The following ANKRD28 variants were observed in gnomAD, a reference collection of about 807,000 sequenced individuals.
ANKRD28 encodes ankyrin repeat domain 28.
In ANKRD28, 44 loss-of-function variants were observed where a neutral mutation model predicts 126.5. The observed-to-expected ratio is 0.35, with a 90% CI of 0.27 to 0.45. ANKRD28 has a LOEUF of 0.45. Among genes scored for constraint, ANKRD28 ranks in the 20% least tolerant of loss-of-function variants. ANKRD28 has a pLI of 1.00. For missense variants in ANKRD28, 1,110 were observed against 1,316.6 expected (o/e 0.84, Z 2.43); for synonymous variants, 442 against 468.5 (o/e 0.94, Z 0.73).
rs145588979 is a variant in ANKRD28, at chr3:15,748,992, T to G, written c.351+2758A>C. ...TTGTTTGATTGTATTGCTGAGACTT[T>G]CCAGTGCATTTTGCATGTCTCTAAG... On this transcript the variant is annotated intron_variant, in intron 4 of 27. Coordinates refer to ENST00000683139, the MANE Select transcript of ANKRD28 (RefSeq NM_001349278.2). 3.3e-3 allele frequency among the ~76,000 whole-genome samples: 496 copies of G among 152,220 alleles called. 3 individuals are homozygous for G. The highest frequency in any genetic ancestry group is 0.012 in the African/African-American group (478 of 41,556).
chr3:15,737,390 C>T (rs1419224481), intron 4 of ANKRD28, among the ~76,000 whole-genome samples, 157 bp from the exon 5 acceptor site: 4 of 151,748 alleles, frequency 2.6e-5, no homozygotes, highest in African/African-American at 9.7e-5. Context: ...GGAATTTACC[C>T]AAGGAAAGAA....
intron 12 of ANKRD28, among the ~76,000 whole-genome samples, chr3:15,710,005 G>C (rs960490302): frequency 6.6e-6 from 1 of 150,752 alleles, no homozygotes; most frequent in Non-Finnish European, 1.5e-5. Context: ...AAGAGATTCT[G>C]AGGAGGCTTT....
intron 1 of ANKRD28, among the ~76,000 whole-genome samples, chr3:15,852,832 CAAAAAAAAAAA>C (rs71064237): frequency 6.2e-5 from 4 of 64,012 alleles, no homozygotes; most frequent in Non-Finnish European, 8.4e-5. Context: ...GACTCTGTCT[CAAAAAAAAAAA>C]AAAAAAAAAA....
intron 2 of ANKRD28, among the ~76,000 whole-genome samples, chr3:15,791,859 G>T (rs193163070): frequency 2.2e-4 from 33 of 152,068 alleles, no homozygotes; most frequent in Non-Finnish European, 4.3e-4. Flanking sequence ...CTCTGACAGG[G>T]GACTAATAAC....
chr3:15,730,889 G>C (rs925870017), intron 6 of ANKRD28, among the ~76,000 whole-genome samples: 1 of 152,116 alleles, frequency 6.6e-6, no homozygotes, highest in African/African-American at 2.4e-5. Context: ...AGGTGATTAG[G>C]CAATAAGGGC....
chr3:15,751,334 A>G (rs555542727), intron 4 of ANKRD28, among the ~76,000 whole-genome samples: 1 of 152,188 alleles, frequency 6.6e-6, no homozygotes, highest in African/African-American at 2.4e-5. Context: ...TGTGCAATCA[A>G]GTAATGGTTT....
intron 27 of ANKRD28, 114 bp from the exon 28 acceptor site, chr3:15,670,670 A>C (rs2066245659): frequency 2.8e-6 from 3 of 1,087,226 alleles, no homozygotes; most frequent in Non-Finnish European, 3.9e-6. Context: ...TACTTAGCTT[A>C]TAATAAATTG....
intron 21 of ANKRD28, among the ~76,000 whole-genome samples, chr3:15,681,204 T>G (rs1428204213): frequency 1.3e-5 from 2 of 152,206 alleles, no homozygotes; most frequent in Non-Finnish European, 2.9e-5. Context: ...ACTTACAACT[T>G]AATTCAATGT....
chr3:15,811,442 A>G (rs2060709186), intron 1 of ANKRD28, among the ~76,000 whole-genome samples: 1 of 152,166 alleles, frequency 6.6e-6, no homozygotes, highest in Non-Finnish European at 1.5e-5. Context: ...AAAAGACAAA[A>G]TAATTACCAG....
rs1553649981 is a variant in ANKRD28, at chr3:15,850,198, A to AT, written c.27+9178_27+9179insA. On this transcript the variant is annotated intron_variant, in intron 1 of 27. Transcript: ENST00000399451. ...TGGGTATCTACATGCAATAAAAAAA[A>AT]AAAAAAATATATATATATATATATA... Among the ~76,000 whole-genome samples, 30 of 42,120 alleles carry AT rather than the reference A, an allele frequency of 7.1e-4. No individual in the cohort carries two copies. In the East Asian group the frequency reaches 0.018, roughly 25 times the overall value. 27.6% of individuals were successfully genotyped at this position (42,120 alleles called of 152,430 possible).
intron 1 of ANKRD28, among the ~76,000 whole-genome samples, chr3:15,807,065 T>C (rs1170898340): frequency 6.6e-6 from 1 of 152,240 alleles, no homozygotes; most frequent in Admixed American, 6.5e-5. Flanking sequence ...CTTTCAGCTT[T>C]TCCCTCTGTC....
chr3:15,813,844 G>C (rs2125892588), intron 1 of ANKRD28, among the ~76,000 whole-genome samples: 1 of 152,302 alleles, frequency 6.6e-6, no homozygotes, highest in East Asian at 1.9e-4. Context: ...ACATGTAAGA[G>C]AATGAGCTAT....
At position 15,677,036 on chromosome 3, in the gene ANKRD28, C is replaced by A. The variant is rs775161986; in HGVS notation, c.2811G>T (p.Leu937Phe). The A allele has an allele frequency of 6.2e-7, 1 of 1,613,078 alleles. No individual in the cohort carries two copies. Among genetic ancestry groups the A allele is most frequent in the Non-Finnish European group, 8.5e-7 (1 of 1,179,502 alleles). ...ACSKGHETSA[L>F]LILEKITDRN... is the part of the protein sequence containing the mutation. ...TATCTGTTATCTTTTCCAGTATTAA[C>A]AAGGCACTAGTTTCATGACCCTATA... Residue 937 changes from leucine to phenylalanine, a missense_variant, in exon 26 of 28, where the codon TTG becomes TTT. Leu to Phe is a conservative substitution (Grantham distance 22, BLOSUM62 0). Coordinates refer to ENST00000683139, the MANE Select transcript of ANKRD28 (RefSeq NM_001349278.2).
At chr3:15,837,099 CA>C (rs397963167) in intron 1 of ANKRD28, among the ~76,000 whole-genome samples, 53 of 108,546 alleles carry the variant, frequency 4.9e-4, no homozygotes, top group East Asian at 2.3e-3. Context: ...GACTCCGTCT[CA>C]AAAAAAAAAA....
chr3:15,850,224 T>TAGAGAGAGAG (rs375278547), intron 1 of ANKRD28, among the ~76,000 whole-genome samples: 402 of 35,076 alleles, frequency 0.011, 13 homozygotes, highest in Admixed American at 0.018. Flanking sequence ...TATATATATA[T>TAGAGAGAGAG]AGAGAGAGAG....
rs73817109 is a variant in ANKRD28 at position 15,772,094 on chromosome 3, T to C, written c.202-5782A>G. On this transcript the variant is annotated intron_variant, in intron 2 of 27. Coordinates refer to ENST00000683139, the MANE Select transcript of ANKRD28 (RefSeq NM_001349278.2). The stretch of plus-strand genomic sequence containing the variant: ...ATAAAGTTAAAGCAATAGAGAGCAA[T>C]TTATATATTAAATGTTTGTATCAGA... 2.7e-3 allele frequency among the ~76,000 whole-genome samples: 408 copies of C among 152,158 alleles called. 3 individuals carry two copies. Among genetic ancestry groups the C allele is most frequent in the African/African-American group, 9.4e-3 (391 of 41,528 alleles).
At chr3:15,680,436 A>T (rs2067421858) in intron 21 of ANKRD28, among the ~76,000 whole-genome samples, 1 of 151,966 alleles carries the variant, frequency 6.6e-6, no homozygotes, top group Non-Finnish European at 1.5e-5. Flanking sequence ...CAAACTCCTG[A>T]TCTCAGGTGA....
chr3:15,699,695 A>C (rs886755651), intron 14 of ANKRD28, among the ~76,000 whole-genome samples: 4 of 152,250 alleles, frequency 2.6e-5, no homozygotes, highest in African/African-American at 9.6e-5. Context: ...ACACTATCTC[A>C]CGCCAGTTAG....
At chr3:15,733,388 T>A (rs375073403) in intron 6 of ANKRD28, 13 of 152,442 alleles carry the variant, frequency 8.5e-5, no homozygotes, top group African/African-American at 2.9e-4. Flanking sequence ...TGAGGCTTAT[T>A]GAAAAGGGAA....
Sources: allele counts gnomAD v4.1 joint callset (sites outside exome capture counted in the v4.1 genomes callset), GRCh38; gene constraint gnomAD v4.1.1; transcripts MANE v1.5; gene names NCBI Gene and HGNC (gene_info 2026-07-23, HGNC 2026-07-21).